CHID1: variants seen among roughly 807,000 people sequenced by gnomAD.
The protein encoded by CHID1 is chitinase domain-containing protein 1.
A neutral mutation model predicts 55.4 loss-of-function variants in CHID1; 44 were observed. The ratio of observed to expected loss-of-function variants is 0.79; its 90% CI spans 0.62 to 1.02. The LOEUF (loss-of-function observed/expected upper bound fraction) is 1.02. Ranked by LOEUF, CHID1 falls within the 50% of genes least tolerant of loss-of-function variation. CHID1 has a pLI of 0.00. For missense variants in CHID1, 491 were observed against 515.3 expected (o/e 0.95, Z 0.46); for synonymous variants, 216 against 212.9 (o/e 1.01, Z -0.13).
Position 875,081 on chromosome 11 carries a change from G to A in CHID1, c.960-4582C>T, listed in dbSNP as rs1268698052. Among the ~76,000 whole-genome samples, 2 of 152,186 alleles carry A rather than the reference G, an allele frequency of 1.3e-5. No individual in the cohort carries two copies. Among genetic ancestry groups the A allele is most frequent in the African/African-American group, 4.8e-5 (2 of 41,432 alleles). The stretch of plus-strand genomic sequence containing the variant: ...GGTGGGAGGAGGGGCTTGCAGGCTC[G>A]GGCCAGGGCTGCTGTGAGCAATGGT... On this transcript the variant is annotated intron_variant, in intron 10 of 12. Transcript: ENST00000323578. The surrounding 1 kb of genome is among the most constrained non-coding windows in gnomAD (Gnocchi z 4.7).
intron 10 of CHID1, 152 bp from the exon 11 acceptor site, chr11:870,651 C>G: frequency 1.6e-6 from 1 of 619,352 alleles, no homozygotes; most frequent in Non-Finnish European, 2.9e-6. Flanking sequence ...GGTGGGGTGG[C>G]CAGAGCCCCA....
intron 7 of CHID1, among the ~76,000 whole-genome samples, chr11:893,929 T>C (rs1388843087): frequency 1.3e-5 from 2 of 151,054 alleles, no homozygotes; most frequent in Non-Finnish European, 3.0e-5. Context: ...CCAGATCGGC[T>C]TGGCCAACAT....
At chr11:902,380 T>C (rs971246058) in intron 3 of CHID1, 50 bp from the exon 4 acceptor site, 2 of 1,590,414 alleles carry the variant, frequency 1.3e-6, no homozygotes, top group Non-Finnish European at 1.7e-6. Context: ...TGAGCACCTG[T>C]CTCACCATGG....
Position 900,155 on chromosome 11 carries a change from C to T in CHID1, c.440-45G>A, listed in dbSNP as rs776186594. On this transcript the variant is annotated intron_variant, in intron 5 of 12. Coordinates refer to ENST00000323578, the MANE Select transcript of CHID1 (RefSeq NM_023947.4). ...ACACGGGGGCCGTGACTGGGAGATG[C>T]TGGAGGGCCCCTGCTGTTTGCTGCC... 3 of 1,477,668 alleles carry T rather than the reference C, an allele frequency of 2.0e-6. No homozygotes were observed. In the South Asian group the frequency reaches 3.4e-5, roughly 17 times the overall value. 91.5% of individuals were successfully genotyped at this position (1,477,668 alleles called of 1,614,324 possible).
chr11:884,634 C>T (rs559451533), intron 8 of CHID1, among the ~76,000 whole-genome samples: 25 of 152,350 alleles, frequency 1.6e-4, no homozygotes, highest in African/African-American at 5.3e-4. Context: ...CACTCAGGGT[C>T]GGCCTGGCCC....
At chr11:899,066 C>T (rs564687163) in intron 7 of CHID1, among the ~76,000 whole-genome samples, 5 of 152,366 alleles carry the variant, frequency 3.3e-5, no homozygotes, top group Admixed American at 2.6e-4. Flanking sequence ...TTCCTCTGAC[C>T]GCCCAAGGGA....
rs1219506443 is a variant in CHID1 at position 875,729 on chromosome 11, G to A, written c.960-5230C>T. 1.3e-5 allele frequency among the ~76,000 whole-genome samples: 2 copies of A among 152,142 alleles called. No homozygotes were observed. The highest frequency in any genetic ancestry group is 2.4e-5 in the African/African-American group (1 of 41,432). ...CTCACAGTAAAAGATTCACAAGACA[G>A]AGGAGGAAAACGCCTAGGTCCACCG... On this transcript the variant is annotated intron_variant, in intron 10 of 12. Coordinates refer to ENST00000323578, the MANE Select transcript of CHID1 (RefSeq NM_023947.4). This position sits in a 1 kb window ranked among gnomAD's most constrained non-coding sequence, Gnocchi z 4.7.
chr11:899,692 T>C (rs913852424), intron 6 of CHID1, among the ~76,000 whole-genome samples: 69 of 152,332 alleles, frequency 4.5e-4, no homozygotes, highest in African/African-American at 1.6e-3. Context: ...GGCCCAGGCA[T>C]ACTGGCAGCC....
intron 2 of CHID1, among the ~76,000 whole-genome samples, 189 bp downstream of exon 2, chr11:904,517 A>C (rs1852065053): frequency 6.6e-6 from 1 of 152,224 alleles, no homozygotes; most frequent in South Asian, 2.1e-4. Flanking sequence ...CTGCTCACTC[A>C]GAGGTGCTGA....
At chr11:872,306 C>T (rs898092175) in intron 10 of CHID1, among the ~76,000 whole-genome samples, 2 of 152,186 alleles carry the variant, frequency 1.3e-5, no homozygotes, top group South Asian at 2.1e-4. Context: ...CACAGCCACC[C>T]GCCACCACGC....
intron 8 of CHID1, among the ~76,000 whole-genome samples, chr11:886,790 A>G (rs998520564): frequency 5.3e-5 from 8 of 152,168 alleles, no homozygotes; most frequent in African/African-American, 1.9e-4. Context: ...TCACAGCCCC[A>G]CATCGCTCAG....
intron 7 of CHID1, 44 bp from the exon 8 acceptor site, chr11:893,563 G>T: frequency 6.9e-7 from 1 of 1,450,026 alleles, no homozygotes; most frequent in Non-Finnish European, 9.4e-7. Flanking sequence ...TGGCACTGAG[G>T]CCTCTCCCAG....
chr11:885,091 C>T (rs1048145231), intron 8 of CHID1, among the ~76,000 whole-genome samples: 2 of 152,184 alleles, frequency 1.3e-5, no homozygotes, highest in African/African-American at 2.4e-5. Flanking sequence ...GGGACGCGGC[C>T]GGAGGAGCAG....
intron 1 of CHID1, among the ~76,000 whole-genome samples, chr11:906,544 C>A (rs184507626): frequency 6.6e-6 from 1 of 152,076 alleles, no homozygotes; most frequent in African/African-American, 2.4e-5. Flanking sequence ...ACGTTGAAAA[C>A]ATGAGGATGT....
At chr11:889,863 C>T (rs995360047) in intron 8 of CHID1, among the ~76,000 whole-genome samples, 2 of 152,248 alleles carry the variant, frequency 1.3e-5, no homozygotes, top group Non-Finnish European at 2.9e-5. Context: ...CCAGCGGCCA[C>T]AGCTGTTCCT....
At position 877,616 on chromosome 11, in the gene CHID1, T is replaced by G. The variant is rs1332088961; in HGVS notation, c.959+5532A>C. Among the ~76,000 whole-genome samples the G allele has an allele frequency of 2.6e-5, 4 of 152,326 alleles. No homozygotes were observed. In the East Asian group the frequency reaches 7.7e-4, roughly 29 times the overall value. On this transcript the variant is annotated intron_variant, in intron 10 of 12. Coordinates refer to ENST00000323578, the MANE Select transcript of CHID1 (RefSeq NM_023947.4). Reference sequence around the variant, plus strand: ...TGAGCCCTAACTCATCACCCTCAGATGGTGTAATGGGCTGAGCTGTTCCCC... The same window carrying G: ...TGAGCCCTAACTCATCACCCTCAGAGGGTGTAATGGGCTGAGCTGTTCCCC...
chr11:888,597 G>A (rs1015125208), intron 8 of CHID1, among the ~76,000 whole-genome samples: 8 of 152,356 alleles, frequency 5.3e-5, no homozygotes, highest in African/African-American at 1.9e-4. Context: ...TGCTCACACC[G>A]AAAACACCAT....
chr11:898,457 G>A (rs1013927355), intron 7 of CHID1, among the ~76,000 whole-genome samples: 52 of 152,338 alleles, frequency 3.4e-4, no homozygotes, highest in Middle Eastern at 6.8e-3. Flanking sequence ...GGTGGAGACC[G>A]CACCATCCTC....
intron 8 of CHID1, among the ~76,000 whole-genome samples, chr11:885,305 C>T (rs553836011): frequency 6.6e-5 from 10 of 152,304 alleles, no homozygotes; most frequent in Middle Eastern, 3.4e-3. Context: ...GTCTGAGGAG[C>T]GCCTCTCCAG....
Sources: gnomAD v4.1 joint callset for allele counts (sites outside exome capture counted in the v4.1 genomes callset) on GRCh38, gnomAD v4.1.1 for gene constraint, Gnocchi (gnomAD v3.1) non-coding constraint, MANE v1.5 for transcripts, NCBI Gene and HGNC (gene_info 2026-07-23, HGNC 2026-07-21) for gene names.